The following NME6 variants were observed in gnomAD, a reference collection of about 807,000 sequenced individuals.
The protein encoded by NME6 is NME/NM23 nucleoside diphosphate kinase 6.
Under a neutral mutation model 22.2 loss-of-function variants are expected in NME6, and 16 were observed. The observed-to-expected ratio is 0.72, with a 90% CI of 0.49 to 1.09. NME6 has a LOEUF of 1.09. Among genes scored for constraint, NME6 ranks in the 50% least tolerant of loss-of-function variants. The pLI, the probability that NME6 is intolerant of heterozygous loss-of-function variation, is 0.00. For missense variants in NME6, 229 were observed against 239.0 expected (o/e 0.96, Z 0.28); for synonymous variants, 58 against 85.2 (o/e 0.68, Z 1.76).
chr3:48,290,938 C>T, downstream of NME6: 1 of 262,938 alleles, frequency 3.8e-6, no homozygotes, highest in African/African-American at 2.3e-5. Flanking sequence ...TGCTGAGTAA[C>T]TCTCTGTGCT....
chr3:48,300,507 C>G (rs2035577447), intron 1 of NME6: 2 of 375,394 alleles, frequency 5.3e-6, no homozygotes, highest in Non-Finnish European at 5.2e-6. Flanking sequence ...GTCTTCACCA[C>G]CAGAAGGTGT....
rs780230214 is a variant in NME6 at position 48,295,123 on chromosome 3, G to A, written c.346C>T (p.Arg116Cys). The A allele has an allele frequency of 5.6e-6, 9 of 1,614,182 alleles. No homozygotes were observed. Among genetic ancestry groups the A allele is most frequent in the Middle Eastern group, 1.7e-4 (1 of 6,054 alleles). ...GTGTCAGTGAGGCCGAAACTCCCAC[G>A]GATAGAATCTGGGGCCACATGGCGT... ...RARHVAPDSI[R>C]GSFGLTDTRN... The change falls in exon 5 of 6, where the codon CGT becomes TGT. Residue 116 changes from arginine (R) to cysteine (C), a missense_variant. Transcript: ENST00000442597.
chr3:48,294,559 C>T lies in NME6; in HGVS notation c.*78G>A, dbSNP rs2034847257. On this transcript the variant is annotated 3_prime_UTR_variant, in exon 6 of 6. Coordinates refer to ENST00000442597, the MANE Select transcript of NME6 (RefSeq NM_001308426.2). ...AGAAATGGCACTGTAAGCCAGGCTTCCCTGGTCCTAGGAGAATGTTTTAGA... is the reference window on the plus strand; with the variant it reads ...AGAAATGGCACTGTAAGCCAGGCTTTCCTGGTCCTAGGAGAATGTTTTAGA... The T allele has an allele frequency of 1.5e-5, 22 of 1,507,650 alleles. No homozygotes were observed. In the South Asian group the frequency reaches 2.2e-4, roughly 15 times the overall value. 93.4% of individuals were successfully genotyped at this position (1,507,650 alleles called of 1,614,324 possible). A position where few individuals can be genotyped will look rare whatever the true frequency, so the allele number is the denominator to read the frequency against.
chr3:48,298,903 C>G (rs778707262), intron 1 of NME6: 47 of 699,774 alleles, frequency 6.7e-5, no homozygotes, highest in Non-Finnish European at 1.1e-4. Flanking sequence ...AGCCTATCCA[C>G]AAGGCCTATT....
At chr3:48,290,011 C>T (rs576521575), downstream of NME6, among the ~76,000 whole-genome samples, 2 of 151,280 alleles carry the variant, frequency 1.3e-5, no homozygotes, top group East Asian at 3.9e-4. Flanking sequence ...AGGGGAAACA[C>T]ATTTTTTCAA....
intron 2 of NME6, among the ~76,000 whole-genome samples, 185 bp from the exon 3 acceptor site, chr3:48,297,014 A>G (rs1436681207): frequency 1.3e-5 from 2 of 152,074 alleles, no homozygotes; most frequent in African/African-American, 2.4e-5. Flanking sequence ...GTGAAAGGGG[A>G]TAGGATGCGC....
chr3:48,294,743 C>T lies in NME6; in HGVS notation c.455G>A (p.Arg152His), dbSNP rs138722161. The change falls in exon 6 of 6, where the codon CGC becomes CAC. Residue 152 changes from arginine to histidine, a missense_variant. Physicochemically the swap from Arg to His is conservative, Grantham distance 29. Transcript: ENST00000442597. ...AAFFPDFSEQ[R>H]WYEEEEPQLR... is the part of the protein sequence containing the mutation. Reference sequence around the variant, plus strand: ...CTGGGGCTCTTCCTCCTCATACCAGCGCTGTTCACTGAAGTCAGGGAAGAA... The same window carrying T: ...CTGGGGCTCTTCCTCCTCATACCAGTGCTGTTCACTGAAGTCAGGGAAGAA... The T allele has an allele frequency of 4.0e-5, 65 of 1,614,168 alleles. No homozygotes were observed. The highest frequency in any genetic ancestry group is 2.0e-4 in the Admixed American group (12 of 60,020).
chr3:48,292,113 A>G (rs908252617), downstream of NME6: 2 of 152,268 alleles, frequency 1.3e-5, no homozygotes, highest in Admixed American at 6.5e-5. Context: ...ATATCATCAC[A>G]TTGGGGGTTA....
intron 4 of NME6, chr3:48,295,506 C>T: frequency 2.3e-6 from 1 of 428,338 alleles, no homozygotes; most frequent in Non-Finnish European, 4.1e-6. Flanking sequence ...GGCTCAGTGA[C>T]AGCCCCAAAC....
rs1451963635 is a variant in NME6 at position 48,293,273 on chromosome 3, T to G, written c.*1364A>C. The G allele has an allele frequency of 1.3e-5, 2 of 152,248 alleles. No homozygotes were observed. Among genetic ancestry groups the G allele is most frequent in the African/African-American group, 4.8e-5 (2 of 41,458 alleles). 9.4% of individuals were successfully genotyped at this position (152,248 alleles called of 1,614,324 possible). ...GCTTTCAGATAGATGCTGTTTATAT[T>G]TTGCACAGCTTTTCTAGTTGTTCTC... On this transcript the variant is annotated 3_prime_UTR_variant, in exon 6 of 6. Transcript: ENST00000442597.
downstream of NME6, chr3:48,287,733 G>A (rs1280702888): frequency 6.6e-6 from 1 of 152,238 alleles, no homozygotes; most frequent in Non-Finnish European, 1.5e-5. Flanking sequence ...CTTCTGCACA[G>A]ATTGGGGTAA....
rs943235628 is a variant in NME6 at position 48,296,593 on chromosome 3, C to G, written c.193+134G>C. ...ATCATGAAAAGTGTGTGTTTTAAAC[C>G]AAGATTTTAGAAAACTGGCTGCAAC... On this transcript the variant is annotated intron_variant, in intron 3 of 5. Transcript: ENST00000442597. 16 of 656,390 alleles carry G rather than the reference C, an allele frequency of 2.4e-5. 1 individual carries two copies. In the Middle Eastern group the frequency reaches 1.1e-3, roughly 46 times the overall value. The allele number at this position is 656,390 out of a possible 1,614,324, so 40.7% of individuals were successfully genotyped here. A position where few individuals can be genotyped will look rare whatever the true frequency, so the allele number is the denominator to read the frequency against.
chr3:48,296,917 C>A, intron 2 of NME6, 88 bp from the exon 3 acceptor site: 1 of 988,536 alleles, frequency 1.0e-6, no homozygotes, highest in Non-Finnish European at 1.5e-6. Context: ...TTGCTCAGGA[C>A]CTGAGGGTTT....
intron 1 of NME6, chr3:48,300,155 G>GA (rs1257318977): frequency 4.6e-6 from 2 of 438,984 alleles, no homozygotes; most frequent in Non-Finnish European, 9.1e-6. Context: ...AACCACACAT[G>GA]AAAATCTAAT....
chr3:48,298,407 G>T lies in NME6; in HGVS notation c.90+20C>A, dbSNP rs780049468. ...AGCAATTCCCAGGGCATGCGGTAGA[G>T]ACTTAGGATTCATTCTTACCTCCAG... On this transcript the variant is annotated intron_variant, in intron 2 of 5. Transcript: ENST00000442597. 2 of 1,604,264 alleles carry T rather than the reference G, an allele frequency of 1.2e-6. No individual in the cohort carries two copies. Among genetic ancestry groups the T allele is most frequent in the East Asian group, 4.5e-5 (2 of 44,852 alleles).
At chr3:48,290,756 A>T (rs2034396465), downstream of NME6, 1 of 158,194 alleles carries the variant, frequency 6.3e-6, no homozygotes, top group African/African-American at 2.4e-5. Context: ...AACAAGAGAA[A>T]GTTGGTGGAA....
chr3:48,297,953 TAAG>T (rs2035286081), intron 2 of NME6: 1 of 194,102 alleles, frequency 5.2e-6, no homozygotes, highest in Non-Finnish European at 1.1e-5. Context: ...CCTACCATCA[TAAG>T]AAATCAACTC....
chr3:48,290,944 G>T, downstream of NME6: 2 of 271,938 alleles, frequency 7.4e-6, no homozygotes, highest in South Asian at 4.4e-5. Flanking sequence ...GTAACTCTCT[G>T]TGCTAAGCAG....
At chr3:48,299,217 A>G (rs1383213331) in intron 1 of NME6, 6 of 470,734 alleles carry the variant, frequency 1.3e-5, no homozygotes, top group Non-Finnish European at 7.5e-6. Flanking sequence ...TGCTTGATCA[A>G]TTTTATTTAC....
Sources: allele counts gnomAD v4.1 joint callset (sites outside exome capture counted in the v4.1 genomes callset), GRCh38; gene constraint gnomAD v4.1.1; transcripts MANE v1.5; gene names NCBI Gene and HGNC (gene_info 2026-07-23, HGNC 2026-07-21).